Variants in TTLL11 observed in about 807,000 individuals in gnomAD.
TTLL11 encodes the protein tubulin tyrosine ligase like 11, also known as tubulin polyglutamylase TTLL11.
A neutral mutation model predicts 51.7 loss-of-function variants in TTLL11; 42 were observed. That is an observed-to-expected ratio of 0.81 (90% confidence interval 0.64 to 1.05). The LOEUF (loss-of-function observed/expected upper bound fraction) is 1.05. Ranked by LOEUF, TTLL11 falls within the 50% of genes least tolerant of loss-of-function variation. TTLL11 has a pLI of 0.00. For synonymous variants in TTLL11, 381 were observed against 383.5 expected, an observed-to-expected ratio of 0.99 and a Z score of 0.08; for missense variants, 799 against 940.4, an observed-to-expected ratio of 0.85 and a Z score of 1.97.
Position 122,008,367 on chromosome 9 carries a change from C to G in TTLL11, c.694-18597G>C, listed in dbSNP as rs552597616. On this transcript the variant is annotated intron_variant, in intron 3 of 8. Transcript: ENST00000321582. ...GTTAATATCCAAAATATATAAGGTACTCAGCTCAGTAGTAAGAAAACAAAT... is the reference window on the plus strand; with the variant it reads ...GTTAATATCCAAAATATATAAGGTAGTCAGCTCAGTAGTAAGAAAACAAAT... Among the ~76,000 whole-genome samples the G allele has an allele frequency of 2.7e-4, 41 of 152,280 alleles. No homozygotes were observed. The Middle Eastern group carries it at 0.01, about 38-fold the overall frequency.
At chr9:121,933,138 C>T (rs1313348711) in intron 6 of TTLL11, among the ~76,000 whole-genome samples, 1 of 151,818 alleles carries the variant, frequency 6.6e-6, no homozygotes, top group Non-Finnish European at 1.5e-5. Context: ...AAAATAGGTA[C>T]AAAGGGGAAA....
chr9:121,946,991 G>T (rs188550529), intron 6 of TTLL11, among the ~76,000 whole-genome samples: 1 of 152,104 alleles, frequency 6.6e-6, no homozygotes, highest in Non-Finnish European at 1.5e-5. Context: ...CCCTCATGGT[G>T]TGGTCATGTT....
rs751247501 is a variant in TTLL11, at chr9:121,815,744, A to G, written c.*6843T>C. ...TATTATTGCGTTTTATGAAGTTGCC[A>G]AGACAACTGAGGCCAAGTAACAGAA... On this transcript the variant is annotated 3_prime_UTR_variant, in exon 9 of 9. Transcript: ENST00000321582. 1 of 152,212 alleles carries G rather than the reference A, an allele frequency of 6.6e-6. No individual in the cohort carries two copies. Among genetic ancestry groups the G allele is most frequent in the Non-Finnish European group, 1.5e-5 (1 of 68,042 alleles). The allele number at this position is 152,212 out of a possible 1,614,324, so 9.4% of individuals were successfully genotyped here.
chr9:121,837,457 A>G (rs1837211775), intron 8 of TTLL11, among the ~76,000 whole-genome samples: 1 of 152,070 alleles, frequency 6.6e-6, no homozygotes, highest in African/African-American at 2.4e-5. Flanking sequence ...GGGCTTTTTC[A>G]GGGTGTTAGG....
At chr9:121,840,735 G>A (rs980693260) in intron 8 of TTLL11, among the ~76,000 whole-genome samples, 2 of 152,180 alleles carry the variant, frequency 1.3e-5, no homozygotes, top group Admixed American at 6.5e-5. Context: ...TTGAGGCCAC[G>A]TGGCCTGTGT....
At position 121,822,538 on chromosome 9, in the gene TTLL11, C is replaced by T; in HGVS notation, c.*49G>A. On this transcript the variant is annotated 3_prime_UTR_variant, in exon 9 of 9. Coordinates refer to ENST00000321582, the MANE Select transcript of TTLL11 (RefSeq NM_001139442.2). The surrounding 1 kb of genome is among the most constrained non-coding windows in gnomAD (Gnocchi z 5.8). ...AGGCAGAATGCCTGGGGCGCTCCAG[C>T]CCTGAAAGCTGCTCTCGTCTTCCGT... is the stretch of plus-strand genomic sequence containing the variant. 1.4e-6 allele frequency: 2 copies of T among 1,417,290 alleles called. No homozygotes were observed. Among genetic ancestry groups the T allele is most frequent in the Non-Finnish European group, 1.9e-6 (2 of 1,081,026 alleles). 87.8% of individuals were successfully genotyped at this position (1,417,290 alleles called of 1,614,324 possible). A position where few individuals can be genotyped will look rare whatever the true frequency, so the allele number is the denominator to read the frequency against.
chr9:122,018,004 A>C (rs12338075), intron 3 of TTLL11, among the ~76,000 whole-genome samples: 1 of 152,106 alleles, frequency 6.6e-6, no homozygotes, highest in Non-Finnish European at 1.5e-5. Flanking sequence ...TTTCTGAAGA[A>C]TGGGGACTTT....
chr9:121,917,156 G>A (rs918023109), intron 6 of TTLL11, among the ~76,000 whole-genome samples: 1 of 152,130 alleles, frequency 6.6e-6, no homozygotes, highest in African/African-American at 2.4e-5. Context: ...GTGATGTTAT[G>A]TATATTTTAC....
At chr9:121,988,536 C>G (rs1447159852) in intron 4 of TTLL11, among the ~76,000 whole-genome samples, 1 of 152,096 alleles carries the variant, frequency 6.6e-6, no homozygotes, top group Non-Finnish European at 1.5e-5. Context: ...CACCTGGAAC[C>G]CTTTGCCTCC....
intron 6 of TTLL11, among the ~76,000 whole-genome samples, chr9:121,899,365 G>GTGTGTATATA (rs1226221957): frequency 8.8e-6 from 1 of 113,242 alleles, no homozygotes; most frequent in African/African-American, 3.3e-5. Context: ...ATGTGTGTGT[G>GTGTGTATATA]TATATATATA....
intron 8 of TTLL11, among the ~76,000 whole-genome samples, chr9:121,844,390 A>G (rs1439290911): frequency 1.3e-5 from 2 of 152,220 alleles, no homozygotes. Context: ...GCTCCTAGAA[A>G]GATAAATATA....
intron 8 of TTLL11, among the ~76,000 whole-genome samples, chr9:121,857,501 C>T (rs1436115903): frequency 6.6e-6 from 1 of 152,182 alleles, no homozygotes; most frequent in Non-Finnish European, 1.5e-5. Flanking sequence ...CTGTTGCCCA[C>T]CTCGAAGGCC....
intron 4 of TTLL11, among the ~76,000 whole-genome samples, chr9:121,979,927 G>A (rs549885775): frequency 1.3e-5 from 2 of 151,750 alleles, no homozygotes; most frequent in African/African-American, 4.8e-5. Flanking sequence ...AGTGCTCTCT[G>A]CCTTCATACT....
Position 121,822,856 on chromosome 9 carries a change from C to T in TTLL11, c.1864G>A (p.Glu622Lys). Residue 622 changes from glutamate (E) to lysine (K), a missense_variant, in exon 9 of 9, where the codon GAA becomes AAA. Physicochemically the swap from Glu to Lys is moderately conservative, Grantham distance 56. Transcript: ENST00000321582. The surrounding 1 kb of genome is among the most constrained non-coding windows in gnomAD (Gnocchi z 5.8). ...DSGMCLQAFV[E>K]AFFFLAQRKF... ...CTCTGAGCCAGGAAAAAGAAAGCTT[C>T]TACGAAGGCCTGCAGACACATCCCT... is the stretch of plus-strand genomic sequence containing the variant. 6.4e-7 allele frequency: 1 copy of T among 1,551,176 alleles called. No homozygotes were observed. Among genetic ancestry groups the T allele is most frequent in the Non-Finnish European group, 8.7e-7 (1 of 1,146,754 alleles).
At chr9:121,934,206 C>T (rs1416993311) in intron 6 of TTLL11, among the ~76,000 whole-genome samples, 4 of 150,992 alleles carry the variant, frequency 2.6e-5, no homozygotes, top group Non-Finnish European at 5.9e-5. Context: ...GAACCCCAGC[C>T]TGGGCAACAA....
chr9:121,873,609 GT>G (rs1214313843), intron 6 of TTLL11, among the ~76,000 whole-genome samples: 1 of 150,048 alleles, frequency 6.7e-6, no homozygotes, highest in Non-Finnish European at 1.5e-5. Context: ...ACCGTGCCCA[GT>G]CCCGCCTCCT....
chr9:121,898,054 G>A (rs2131466502), intron 6 of TTLL11, among the ~76,000 whole-genome samples: 1 of 152,136 alleles, frequency 6.6e-6, no homozygotes, highest in South Asian at 2.1e-4. Flanking sequence ...GAGTAGCTGG[G>A]ACTACAGGCA....
intron 8 of TTLL11, among the ~76,000 whole-genome samples, chr9:121,850,075 T>C (rs1398652641): frequency 3.4e-5 from 5 of 147,812 alleles, no homozygotes; most frequent in South Asian, 2.2e-4. Context: ...TTTTTATTTT[T>C]CTTAAAAAAA....
intron 3 of TTLL11, among the ~76,000 whole-genome samples, chr9:122,002,340 G>A (rs898108789): frequency 6.6e-6 from 1 of 152,136 alleles, no homozygotes; most frequent in Non-Finnish European, 1.5e-5. Flanking sequence ...GGGATATCTC[G>A]CTAGCCACTA....
Sources: gnomAD v4.1 joint callset for allele counts (sites outside exome capture counted in the v4.1 genomes callset) on GRCh38, gnomAD v4.1.1 for gene constraint, Gnocchi (gnomAD v3.1) non-coding constraint, MANE v1.5 for transcripts, NCBI Gene and HGNC (gene_info 2026-07-23, HGNC 2026-07-21) for gene names.